Variants in SUPT3H observed in about 807,000 individuals in gnomAD.
SUPT3H encodes SPT3 homolog, SAGA and STAGA complex component.
SUPT3H carries 44 observed loss-of-function variants against 44.3 expected under a neutral mutation model. The ratio of observed to expected loss-of-function variants is 0.99; its 90% CI spans 0.78 to 1.28. SUPT3H has a LOEUF of 1.28. SUPT3H is among the 50% of genes most tolerant of loss of function. SUPT3H has a pLI of 0.00. For missense variants in SUPT3H, 380 were observed against 387.1 expected (o/e 0.98, Z 0.15); for synonymous variants, 124 against 125.6 (o/e 0.99, Z 0.09).
intron 2 of SUPT3H, among the ~76,000 whole-genome samples, chr6:45,187,101 TAAAAAAAAA>T (rs70996308): frequency 4.9e-4 from 39 of 79,856 alleles, no homozygotes; most frequent in African/African-American, 1.7e-3. Context: ...TTTTCGCCTT[TAAAAAAAAA>T]AAAAAAAAAA....
At chr6:45,081,040 T>G (rs1208043224) in intron 3 of SUPT3H, among the ~76,000 whole-genome samples, 1 of 151,078 alleles carries the variant, frequency 6.6e-6, no homozygotes, top group African/African-American at 2.4e-5. Flanking sequence ...CCCATATATA[T>G]ATGTACATAT....
At chr6:45,219,595 A>G (rs1029406415) in intron 2 of SUPT3H, among the ~76,000 whole-genome samples, 1 of 152,198 alleles carries the variant, frequency 6.6e-6, no homozygotes, top group Admixed American at 6.5e-5. Flanking sequence ...GAAATGGATA[A>G]TATGAACTGT....
chr6:44,869,246 C>T (rs1047239805), intron 10 of SUPT3H, among the ~76,000 whole-genome samples: 2 of 151,996 alleles, frequency 1.3e-5, no homozygotes, highest in African/African-American at 4.8e-5. Context: ...AGACAAATAG[C>T]ATATCACACC....
rs527872785 is a variant in SUPT3H at position 45,084,381 on chromosome 6, T to C, written c.186+21541A>G. ...GAAAACATACAAGCTACCAACAACATATGAAAAAAATTTCCATATCATTCG... is the reference window on the plus strand; with the variant it reads ...GAAAACATACAAGCTACCAACAACACATGAAAAAAATTTCCATATCATTCG... On this transcript the variant is annotated intron_variant, in intron 3 of 10. Transcript: ENST00000371459. Among the ~76,000 whole-genome samples the C allele has an allele frequency of 2.0e-5, 3 of 152,054 alleles. No homozygotes were observed. The South Asian group carries it at 6.2e-4, about 32-fold the overall frequency.
chr6:45,210,441 C>G (rs1032141087), intron 2 of SUPT3H, among the ~76,000 whole-genome samples: 10 of 152,146 alleles, frequency 6.6e-5, no homozygotes, highest in Admixed American at 2.0e-4. Context: ...ATTGTGTCTT[C>G]AGTAAAAGGC....
intron 6 of SUPT3H, among the ~76,000 whole-genome samples, chr6:44,969,215 G>T (rs779605149): frequency 1.3e-5 from 2 of 152,070 alleles, no homozygotes; most frequent in Non-Finnish European, 2.9e-5. Flanking sequence ...ATTATTAATG[G>T]AAAAATCAAG....
At chr6:45,159,116 T>A (rs967183232) in intron 2 of SUPT3H, 1 of 152,226 alleles carries the variant, frequency 6.6e-6, no homozygotes, top group African/African-American at 2.4e-5. Flanking sequence ...AGTTCTCCAG[T>A]CACCTTTCTT....
At chr6:44,830,752 C>T (rs751329276) in intron 10 of SUPT3H, among the ~76,000 whole-genome samples, 29 of 152,024 alleles carry the variant, frequency 1.9e-4, no homozygotes, top group African/African-American at 5.1e-4. Flanking sequence ...AATTCATAAC[C>T]GTCAATCTTT....
intron 3 of SUPT3H, among the ~76,000 whole-genome samples, chr6:45,033,436 C>T (rs1328728185): frequency 2.6e-5 from 4 of 151,982 alleles, no homozygotes; most frequent in Non-Finnish European, 5.9e-5. Context: ...ATTATGCTAA[C>T]CAGAAGCAAA....
At chr6:45,313,495 C>T (rs7449537) in intron 2 of SUPT3H, among the ~76,000 whole-genome samples, 34,491 of 151,740 alleles carry the variant, frequency 0.23, 4,602 homozygotes, top group Non-Finnish European at 0.31. Context: ...AAAGATCATT[C>T]GAGACTACTA....
At chr6:44,852,751 G>C (rs1416490395) in intron 10 of SUPT3H, among the ~76,000 whole-genome samples, 2 of 152,118 alleles carry the variant, frequency 1.3e-5, no homozygotes, top group Non-Finnish European at 2.9e-5. Context: ...ACTCCTATCA[G>C]CATACAAAAG....
chr6:45,061,908 T>C (rs1792142576), intron 3 of SUPT3H, among the ~76,000 whole-genome samples: 1 of 150,454 alleles, frequency 6.6e-6, no homozygotes, highest in South Asian at 2.1e-4. Flanking sequence ...TTTTTTTTTT[T>C]TTTTTTGGCA....
At chr6:45,153,884 A>G (rs1807353050) in intron 2 of SUPT3H, among the ~76,000 whole-genome samples, 1 of 152,086 alleles carries the variant, frequency 6.6e-6, no homozygotes, top group African/African-American at 2.4e-5. Context: ...CCTAACCAAC[A>G]TGGTGAAACC....
chr6:44,900,568 C>T (rs1172815255), intron 10 of SUPT3H, among the ~76,000 whole-genome samples: 1 of 152,204 alleles, frequency 6.6e-6, no homozygotes, highest in Admixed American at 6.5e-5. Flanking sequence ...AGGAGGCCTG[C>T]CTTACTGTGT....
chr6:45,309,914 C>G (rs1161394415), intron 2 of SUPT3H, among the ~76,000 whole-genome samples: 3 of 152,084 alleles, frequency 2.0e-5, no homozygotes, highest in African/African-American at 7.2e-5. Context: ...TGAATGTTAG[C>G]TTCTGATCAA....
At chr6:45,094,095 T>C (rs562371453) in intron 3 of SUPT3H, among the ~76,000 whole-genome samples, 62 of 151,836 alleles carry the variant, frequency 4.1e-4, no homozygotes, top group Non-Finnish European at 8.0e-4. Context: ...ATCTGGAGAG[T>C]GGGAGTTTTA....
chr6:45,156,112 T>C (rs1468125113), intron 2 of SUPT3H, among the ~76,000 whole-genome samples: 4 of 152,054 alleles, frequency 2.6e-5, no homozygotes, highest in Non-Finnish European at 5.9e-5. Flanking sequence ...AAACAGCCAA[T>C]GGAAGATTCT....
intron 2 of SUPT3H, chr6:45,328,588 T>C (rs942535468): frequency 6.3e-7 from 1 of 1,583,198 alleles, no homozygotes; most frequent in South Asian, 1.2e-5. Context: ...CAGAAAAAAA[T>C]AAATATAAAG....
intron 2 of SUPT3H, among the ~76,000 whole-genome samples, chr6:45,355,155 A>G (rs922612964): frequency 2.2e-5 from 3 of 137,888 alleles, no homozygotes; most frequent in African/African-American, 7.9e-5. Flanking sequence ...TTTTTTTTTT[A>G]GAGATGGGGT....
Sources: gnomAD v4.1 joint callset for allele counts (sites outside exome capture counted in the v4.1 genomes callset) on GRCh38, gnomAD v4.1.1 for gene constraint, MANE v1.5 for transcripts, NCBI Gene and HGNC (gene_info 2026-07-23, HGNC 2026-07-21) for gene names.